Variants in KAZN observed in about 807,000 individuals in gnomAD.
KAZN encodes the protein kazrin, periplakin interacting protein.
Under a neutral mutation model 87.4 loss-of-function variants are expected in KAZN, and 40 were observed. The observed-to-expected ratio is 0.46, with a 90% CI of 0.36 to 0.60. The LOEUF is 0.60. Among genes scored for constraint, KAZN ranks in the 20% least tolerant of loss-of-function variants. The pLI is 0.00. For synonymous variants in KAZN, 466 were observed against 458.3 expected, an observed-to-expected ratio of 1.02 and a Z score of -0.22; for missense variants, 898 against 1,073.9, an observed-to-expected ratio of 0.84 and a Z score of 2.29.
In KAZN at chr1:14,996,457, G is replaced by C. The variant is rs1337560921; in HGVS notation, c.418+35582G>C. On this transcript the variant is annotated intron_variant, in intron 2 of 14. Coordinates refer to ENST00000376030, the MANE Select transcript of KAZN (RefSeq NM_201628.3). The surrounding 1 kb of genome is among the most constrained non-coding windows in gnomAD (Gnocchi z 5.9). ...TATCATCAGACCCGGCACAGGGCCT[G>C]GCCTACAGTGGGTGCCCCAGGAATG... is the stretch of plus-strand genomic sequence containing the variant. Among the ~76,000 whole-genome samples, 1 of 152,182 alleles carries C rather than the reference G, an allele frequency of 6.6e-6. No individual in the cohort carries two copies. Among genetic ancestry groups the C allele is most frequent in the Non-Finnish European group, 1.5e-5 (1 of 68,026 alleles).
intron 4 of KAZN, among the ~76,000 whole-genome samples, chr1:15,050,658 T>C (rs906481500): frequency 1.3e-5 from 2 of 152,154 alleles, no homozygotes; most frequent in Admixed American, 6.5e-5. Flanking sequence ...CACCACCTTC[T>C]TGGACCATTT....
chr1:14,447,651 G>A (rs1667059945), intron 2 of KAZN, among the ~76,000 whole-genome samples: 1 of 151,948 alleles, frequency 6.6e-6, no homozygotes, highest in South Asian at 2.1e-4. Context: ...TGTATTTATT[G>A]GCTATGGTTA....
chr1:14,781,165 A>G (rs908378578), intron 1 of KAZN, among the ~76,000 whole-genome samples: 2 of 152,170 alleles, frequency 1.3e-5, no homozygotes, highest in Non-Finnish European at 2.9e-5. Flanking sequence ...TACTAAAAAT[A>G]CAAAAAATTA....
intron 1 of KAZN, among the ~76,000 whole-genome samples, chr1:13,914,655 G>T (rs1032581545): frequency 2.6e-5 from 4 of 152,184 alleles, no homozygotes; most frequent in Non-Finnish European, 4.4e-5. Flanking sequence ...GAGAGGGCCC[G>T]GTGGCAAAAC....
chr1:13,893,352 C>A (rs917651327), exon 1 of KAZN: 2 of 238,922 alleles, frequency 8.4e-6, no homozygotes, highest in Non-Finnish European at 1.6e-5. Context: ...TCCAGCCACC[C>A]TTCCGGGTCA....
chr1:14,674,183 A>G (rs566926818), intron 1 of KAZN, among the ~76,000 whole-genome samples: 1 of 152,296 alleles, frequency 6.6e-6, no homozygotes, highest in East Asian at 1.9e-4. Context: ...TCTGACTCTG[A>G]TCTTCTGGCT....
chr1:14,093,454 T>G (rs1644053943), intron 1 of KAZN, among the ~76,000 whole-genome samples: 1 of 152,224 alleles, frequency 6.6e-6, no homozygotes, highest in Admixed American at 6.5e-5. Context: ...TGCTTTTTAA[T>G]AGAATATGCT....
At chr1:14,953,331 G>C (rs771535197) in intron 1 of KAZN, among the ~76,000 whole-genome samples, 1 of 152,238 alleles carries the variant, frequency 6.6e-6, no homozygotes, top group Non-Finnish European at 1.5e-5. Flanking sequence ...TGCTGGTTCA[G>C]GAAGCCCTTG....
chr1:14,494,353 T>TA (rs1669833138), intron 2 of KAZN, among the ~76,000 whole-genome samples: 1 of 152,154 alleles, frequency 6.6e-6, no homozygotes, highest in South Asian at 2.1e-4. Flanking sequence ...AGTGGGTAGG[T>TA]AGAGGTTGCT....
intron 2 of KAZN, among the ~76,000 whole-genome samples, chr1:14,300,759 A>T (rs1209070836): frequency 6.6e-6 from 1 of 152,160 alleles, no homozygotes; most frequent in Non-Finnish European, 1.5e-5. Context: ...AGATCTGGCA[A>T]CACTTTTTCC....
chr1:14,380,813 G>C (rs985471657), intron 2 of KAZN, among the ~76,000 whole-genome samples: 19 of 152,140 alleles, frequency 1.2e-4, no homozygotes, highest in African/African-American at 4.6e-4. Flanking sequence ...TTTAGTAAAA[G>C]GGATAATAAC....
rs1169851527 is a variant in KAZN, at chr1:15,060,224, A to G, written c.969A>G (p.Ala323=). Residue 323 remains alanine, a synonymous_variant, in exon 6 of 15, where the codon GCA becomes GCG. Transcript: ENST00000376030. ...GGCAGCCCTCTGTCATCTCCGACGC[A>G]TCTGCCGCCGAAGGCGACCGGTCGT... ...HSRQPSVISD[A]SAAEGDRSST... 1.2e-6 allele frequency: 2 copies of G among 1,614,100 alleles called. No homozygotes were observed. Among genetic ancestry groups the G allele is most frequent in the Admixed American group, 3.3e-5 (2 of 60,014 alleles).
chr1:14,624,956 C>T (rs553696769), intron 1 of KAZN, among the ~76,000 whole-genome samples: 2 of 152,168 alleles, frequency 1.3e-5, no homozygotes, highest in South Asian at 4.2e-4. Flanking sequence ...ACAGGGACAA[C>T]ATTTGGTTTT....
chr1:14,868,857 AG>A (rs1651827087), intron 1 of KAZN, among the ~76,000 whole-genome samples: 6 of 152,162 alleles, frequency 3.9e-5, no homozygotes, highest in African/African-American at 1.4e-4. Flanking sequence ...AAAACTTAAT[AG>A]CTAAGTAAAA....
At chr1:14,615,726 G>A (rs912502865) in intron 1 of KAZN, among the ~76,000 whole-genome samples, 18 of 152,096 alleles carry the variant, frequency 1.2e-4, no homozygotes, top group Admixed American at 7.2e-4. Context: ...CTGTGGCTTC[G>A]CCACCAGCCT....
At chr1:14,625,105 C>A (rs12085951) in intron 1 of KAZN, among the ~76,000 whole-genome samples, 15,069 of 152,052 alleles carry the variant, frequency 0.099, 2,491 homozygotes, top group African/African-American at 0.35. Context: ...AGGGTCCCCC[C>A]CGACACCGCG....
At chr1:14,068,712 A>G (rs1427836702) in intron 1 of KAZN, among the ~76,000 whole-genome samples, 2 of 152,100 alleles carry the variant, frequency 1.3e-5, no homozygotes, top group Non-Finnish European at 2.9e-5. Context: ...TCTTTTCCCT[A>G]CGACAGAGAA....
chr1:14,131,802 G>A (rs1216723342), intron 1 of KAZN, among the ~76,000 whole-genome samples: 3 of 152,058 alleles, frequency 2.0e-5, no homozygotes, highest in Non-Finnish European at 2.9e-5. Flanking sequence ...CTTCATCTCA[G>A]CTCTGTTTCC....
intron 1 of KAZN, among the ~76,000 whole-genome samples, chr1:14,812,177 G>A (rs1646432047): frequency 6.6e-6 from 1 of 152,026 alleles, no homozygotes; most frequent in South Asian, 2.1e-4. Context: ...CCCAGGATTA[G>A]TCTCTTCTGG....
Sources: allele counts gnomAD v4.1 joint callset (sites outside exome capture counted in the v4.1 genomes callset), GRCh38; gene constraint gnomAD v4.1.1; non-coding constraint Gnocchi (gnomAD v3.1); transcripts MANE v1.5; gene names NCBI Gene and HGNC (gene_info 2026-07-23, HGNC 2026-07-21).